Variants in EHD2 observed in about 807,000 individuals in gnomAD.
EHD2 encodes EH domain-containing protein 2.
In EHD2, 27 loss-of-function variants were observed where a neutral mutation model predicts 41.0. The ratio of observed to expected loss-of-function variants is 0.66; its 90% CI spans 0.49 to 0.91. The LOEUF (loss-of-function observed/expected upper bound fraction) is 0.91, where lower values mean the gene tolerates loss of function less well. Ranked by LOEUF, EHD2 falls within the 40% of genes least tolerant of loss-of-function variation. The pLI is 0.00. For synonymous variants in EHD2, 342 were observed against 341.0 expected (o/e 1.00, Z -0.03); for missense variants, 673 against 773.9 (o/e 0.87, Z 1.55).
intron 1 of EHD2, among the ~76,000 whole-genome samples, chr19:47,715,411 C>T (rs991403942): frequency 6.6e-6 from 1 of 152,094 alleles, no homozygotes; most frequent in African/African-American, 2.4e-5. Context: ...CTTCATGGAG[C>T]AGCTCAAAAG....
Position 47,741,263 on chromosome 19 carries a change from G to T in EHD2, c.1463G>T (p.Arg488Leu). 1 of 1,614,132 alleles carries T rather than the reference G, an allele frequency of 6.2e-7. No homozygotes were observed. Among genetic ancestry groups the T allele is most frequent in the Non-Finnish European group, 8.5e-7 (1 of 1,180,004 alleles). ...AAGCTCCCCAACTCAGTGCTGGGGC[G>T]CATCTGGAAGCTCAGCGATGTGGAC... ...GTKLPNSVLG[R>L]IWKLSDVDRD... The change falls in exon 6 of 6, where the codon CGC becomes CTC. Residue 488 changes from arginine to leucine, a missense_variant. Transcript: ENST00000263277. The surrounding 1 kb of genome is among the most constrained non-coding windows in gnomAD (Gnocchi z 4.5).
intron 3 of EHD2, among the ~76,000 whole-genome samples, chr19:47,725,418 A>AAAAAAAAAAAAAG (rs1973740381): frequency 6.6e-6 from 1 of 150,826 alleles, no homozygotes; most frequent in African/African-American, 2.4e-5. Context: ...AAAAAAAAAA[A>AAAAAAAAAAAAAG]ATTAGCCAGG....
In EHD2 at chr19:47,716,557, G is replaced by A. The variant is rs1973626665; in HGVS notation, c.-55-1G>A. 5.5e-6 allele frequency: 8 copies of A among 1,444,318 alleles called. No homozygotes were observed. In the Admixed American group the frequency reaches 2.2e-4, roughly 39 times the overall value. The allele number at this position is 1,444,318 out of a possible 1,614,324, so 89.5% of individuals were successfully genotyped here. A position where few individuals can be genotyped will look rare whatever the true frequency, so the allele number is the denominator to read the frequency against. ...GCTCATGCCCTCTCCCCCTCCCACA[G>A]GCAGCTCTCCATCTGCACGTCTCTC... On this transcript the variant is annotated splice_acceptor_variant, in intron 1 of 5. Transcript: ENST00000263277. LOFTEE classifies it low-confidence loss of function (5UTR_SPLICE).
intron 1 of EHD2, among the ~76,000 whole-genome samples, chr19:47,715,079 A>AAATAAAT (rs777995973): frequency 6.6e-6 from 1 of 150,788 alleles, no homozygotes; most frequent in African/African-American, 2.4e-5. Context: ...ATAAATAAAT[A>AAATAAAT]AAAAGAAAGA....
intron 2 of EHD2, among the ~76,000 whole-genome samples, chr19:47,717,523 G>A (rs1026668035): frequency 6.6e-6 from 1 of 152,192 alleles, no homozygotes; most frequent in South Asian, 2.1e-4. Flanking sequence ...AAGTCAGTAT[G>A]CCTGGTTCAA....
intron 3 of EHD2, among the ~76,000 whole-genome samples, chr19:47,720,932 A>G (rs369963009): frequency 1.3e-5 from 2 of 151,372 alleles, no homozygotes; most frequent in South Asian, 2.1e-4. Context: ...TTGGGAGGGC[A>G]TGGGAGGTTA....
chr19:47,740,919 G>C lies in EHD2; in HGVS notation c.1119G>C (p.Ser373=). The change falls in exon 6 of 6, where the codon TCG becomes TCC. Residue 373 remains serine (S), a synonymous_variant. Transcript: ENST00000263277. ...LMAHDFTKFH[S]LKPKLLEALD... ...CGCACGACTTCACCAAGTTTCACTC[G>C]CTGAAGCCGAAGCTGCTAGAGGCAC... 1 of 1,613,264 alleles carries C rather than the reference G, an allele frequency of 6.2e-7. No homozygotes were observed. The highest frequency in any genetic ancestry group is 8.5e-7 in the Non-Finnish European group (1 of 1,179,912).
rs1472040756 is a variant in EHD2 at position 47,725,924 on chromosome 19, C to T, written c.615C>T (p.Gly205=). ...CGGACGAGTTCTCAGAGGCCATCGG[C>T]GCGTTGCGGGGCCATGAGGACAAGA... ...EISDEFSEAI[G]ALRGHEDKIR... is the part of the protein sequence containing the mutation. Residue 205 remains glycine (G), a synonymous_variant, in exon 4 of 6, where the codon GGC becomes GGT. Transcript: ENST00000263277. 1 of 1,613,934 alleles carries T rather than the reference C, an allele frequency of 6.2e-7. No homozygotes were observed. The highest frequency in any genetic ancestry group is 1.1e-5 in the South Asian group (1 of 91,062).
rs1461657693 is a variant in EHD2, at chr19:47,719,437, G to A, written c.502+831G>A. 6.6e-6 allele frequency among the ~76,000 whole-genome samples: 1 copy of A among 152,086 alleles called. No individual in the cohort carries two copies. Among genetic ancestry groups the A allele is most frequent in the Non-Finnish European group, 1.5e-5 (1 of 67,988 alleles). The stretch of plus-strand genomic sequence containing the variant: ...AGCTGTGCAAGGAGAGTGGCGGGGG[G>A]TGGATTCCAGCCGGGGCCTCCGGGC... On this transcript the variant is annotated intron_variant, in intron 3 of 5. Coordinates refer to ENST00000263277, the MANE Select transcript of EHD2 (RefSeq NM_014601.4). This position sits in a 1 kb window ranked among gnomAD's most constrained non-coding sequence, Gnocchi z 4.1.
Position 47,719,475 on chromosome 19 carries a change from C to T in EHD2, c.502+869C>T, listed in dbSNP as rs1160442820. 6.6e-6 allele frequency among the ~76,000 whole-genome samples: 1 copy of T among 152,084 alleles called. No individual in the cohort carries two copies. The highest frequency in any genetic ancestry group is 2.4e-5 in the African/African-American group (1 of 41,410). ...GGGGCCTCCGGGCGTGCTGAGCCCT[C>T]ACCACCCCTGCCCAGCCCAGCTCAG... On this transcript the variant is annotated intron_variant, in intron 3 of 5. Coordinates refer to ENST00000263277, the MANE Select transcript of EHD2 (RefSeq NM_014601.4). This position sits in a 1 kb window ranked among gnomAD's most constrained non-coding sequence, Gnocchi z 4.1.
At chr19:47,717,134 A>T (rs961935137) in intron 2 of EHD2, 118 bp downstream of exon 2, 17 of 1,325,232 alleles carry the variant, frequency 1.3e-5, no homozygotes, top group Non-Finnish European at 1.6e-5. Context: ...GGCAACCTCC[A>T]CCTCCTGGGT....
At chr19:47,727,440 C>A (rs1015349814) in intron 4 of EHD2, among the ~76,000 whole-genome samples, 4 of 152,062 alleles carry the variant, frequency 2.6e-5, no homozygotes, top group Non-Finnish European at 4.4e-5. Context: ...GGTGCTGGGG[C>A]TGGGGATGGA....
chr19:47,730,187 C>T (rs1164171983), intron 4 of EHD2, among the ~76,000 whole-genome samples: 1 of 146,246 alleles, frequency 6.8e-6, no homozygotes, highest in African/African-American at 2.5e-5. Context: ...CTCACCTTAT[C>T]TCTTCCTGGC....
At position 47,716,894 on chromosome 19, in the gene EHD2, C is replaced by T. The variant is rs377125908; in HGVS notation, c.282C>T (p.Thr94=). ...PGSRVGPEPT[T]DCFVAVMHGD... is the part of the protein sequence containing the mutation. ...CCCGCGTGGGGCCTGAGCCCACCAC[C>T]GACTGCTTTGTGGCCGTCATGCACG... is the stretch of plus-strand genomic sequence containing the variant. Residue 94 remains threonine, a synonymous_variant, in exon 2 of 6, where the codon ACC becomes ACT. Transcript: ENST00000263277. The T allele has an allele frequency of 3.0e-5, 49 of 1,612,570 alleles. No individual in the cohort carries two copies. Among genetic ancestry groups the T allele is most frequent in the Admixed American group, 5.0e-5 (3 of 59,952 alleles).
At chr19:47,732,636 G>A (rs118111997) in intron 4 of EHD2, among the ~76,000 whole-genome samples, 1 of 151,966 alleles carries the variant, frequency 6.6e-6, no homozygotes, top group East Asian at 1.9e-4. Flanking sequence ...GCCCAGGCTG[G>A]TCTCGAACTT....
At chr19:47,725,598 C>A (rs2123645154) in intron 3 of EHD2, among the ~76,000 whole-genome samples, 1 of 152,156 alleles carries the variant, frequency 6.6e-6, no homozygotes, top group Non-Finnish European at 1.5e-5. Context: ...GGGCTGGGGC[C>A]AGAGCGAGGG....
Position 47,716,599 on chromosome 19 carries a change from G to C in EHD2, c.-14G>C. 1 of 1,499,740 alleles carries C rather than the reference G, an allele frequency of 6.7e-7. No homozygotes were observed. Among genetic ancestry groups the C allele is most frequent in the South Asian group, 1.3e-5 (1 of 76,706 alleles). 92.9% of individuals were successfully genotyped at this position (1,499,740 alleles called of 1,614,324 possible). On this transcript the variant is annotated 5_prime_UTR_variant, in exon 2 of 6. Transcript: ENST00000263277. ...ACGTCTCTCCGTGAACCCCGTGAGC[G>C]GTGTGCAGCCACCATGTTCAGCTGG...
chr19:47,719,250 G>T lies in EHD2; in HGVS notation c.502+644G>T, dbSNP rs990921604. ...AGACAGCGACGCAGGGAGACACAAG[G>T]CCTGGAGATGAGGCAGAGCCTGGGC... On this transcript the variant is annotated intron_variant, in intron 3 of 5. Transcript: ENST00000263277. This position sits in a 1 kb window ranked among gnomAD's most constrained non-coding sequence, Gnocchi z 4.1. Among the ~76,000 whole-genome samples the T allele has an allele frequency of 1.4e-4, 21 of 152,116 alleles. No homozygotes were observed. Among genetic ancestry groups the T allele is most frequent in the Non-Finnish European group, 2.5e-4 (17 of 68,010 alleles).
chr19:47,737,967 G>GGA (rs1966943372), intron 5 of EHD2, among the ~76,000 whole-genome samples: 1 of 144,888 alleles, frequency 6.9e-6, no homozygotes, highest in South Asian at 2.1e-4. Flanking sequence ...TGCAACCTCT[G>GGA]CCTCCTGGGT....
Sources: gnomAD v4.1 joint callset for allele counts (sites outside exome capture counted in the v4.1 genomes callset) on GRCh38, gnomAD v4.1.1 for gene constraint, Gnocchi (gnomAD v3.1) non-coding constraint, MANE v1.5 for transcripts, NCBI Gene and HGNC (gene_info 2026-07-23, HGNC 2026-07-21) for gene names.